Variants in PLEKHM2 observed in about 807,000 individuals in gnomAD.
The protein encoded by PLEKHM2 is pleckstrin homology and RUN domain containing M2, also known as pleckstrin homology domain-containing family M member 2.
In PLEKHM2, 77 loss-of-function variants were observed where a neutral mutation model predicts 116.3. That is an observed-to-expected ratio of 0.66 (90% CI 0.55 to 0.80). The LOEUF is 0.80. Ranked by LOEUF, PLEKHM2 falls within the 30% of genes least tolerant of loss-of-function variation. The probability of loss-of-function intolerance (pLI) is 0.00; values close to 1 mark genes in which losing one functional copy is unlikely to be tolerated. For missense variants in PLEKHM2, 1,183 were observed against 1,354.9 expected (o/e 0.87, Z 1.99); for synonymous variants, 562 against 571.0 (o/e 0.98, Z 0.22).
At chr1:15,715,298 C>T (rs1641422133) in intron 1 of PLEKHM2, among the ~76,000 whole-genome samples, 1 of 152,196 alleles carries the variant, frequency 6.6e-6, no homozygotes, top group Admixed American at 6.5e-5. Context: ...TGCAGCGAGC[C>T]GTGATCACAC....
chr1:15,715,399 T>C (rs1038469846), intron 1 of PLEKHM2, among the ~76,000 whole-genome samples: 2 of 151,896 alleles, frequency 1.3e-5, no homozygotes, highest in African/African-American at 2.4e-5. Context: ...CGCAGCACTT[T>C]GGGAGGCCAA....
rs770824084 is a variant in PLEKHM2 at position 15,727,390 on chromosome 1, G to T, written c.1318G>T (p.Gly440Cys). ...AEPPDQSFRT[G>C]SPGDAPERPP... ...GCCCCCAGACCAGTCCTTTCGGACC[G>T]GCTCTCCCGGGGATGCCCCGGAGAG... Residue 440 changes from glycine to cysteine, a missense_variant, in exon 9 of 20, where the codon GGC becomes TGC. Transcript: ENST00000375799. This position sits in a 1 kb window ranked among gnomAD's most constrained non-coding sequence, Gnocchi z 7.5. The T allele has an allele frequency of 3.1e-6, 5 of 1,602,860 alleles. No individual in the cohort carries two copies. In the African/African-American group the frequency reaches 5.4e-5, roughly 17 times the overall value.
intron 16 of PLEKHM2, 71 bp from the exon 17 acceptor site, chr1:15,731,818 A>C: frequency 7.1e-7 from 1 of 1,399,198 alleles, no homozygotes; most frequent in Non-Finnish European, 9.8e-7. Context: ...ACCCCGCACC[A>C]ACCCTGGGGG....
At chr1:15,686,808 C>T (rs528492606) in intron 1 of PLEKHM2, among the ~76,000 whole-genome samples, 13 of 152,056 alleles carry the variant, frequency 8.5e-5, no homozygotes, top group African/African-American at 3.1e-4. Context: ...GCCACCACGC[C>T]CGGCTAATTT....
chr1:15,727,618 C>G lies in PLEKHM2; in HGVS notation c.1546C>G (p.Pro516Ala). 1 of 1,588,164 alleles carries G rather than the reference C, an allele frequency of 6.3e-7. No homozygotes were observed. Residue 516 changes from proline to alanine, a missense_variant, in exon 9 of 20, where the codon CCC (proline) becomes GCC (alanine). Around this residue, in one of 3 missense-constraint regions of PLEKHM2, gnomAD observed 594 missense variants for 720.1 expected, o/e 0.82. Coordinates refer to ENST00000375799, the MANE Select transcript of PLEKHM2 (RefSeq NM_015164.4). This position sits in a 1 kb window ranked among gnomAD's most constrained non-coding sequence, Gnocchi z 7.5. Reference sequence around the variant, plus strand: ...AGGAGGAGAGGGACAGACGCCTCGGCCCCTAGAGGATACCACGAGGGAGGC... The same window carrying G: ...AGGAGGAGAGGGACAGACGCCTCGGGCCCTAGAGGATACCACGAGGGAGGC... Reference protein sequence around the residue: ...GGGGEGQTPRPLEDTTREAQE... With the variant: ...GGGGEGQTPRALEDTTREAQE...
At chr1:15,690,222 C>T (rs558344054) in intron 1 of PLEKHM2, among the ~76,000 whole-genome samples, 5 of 151,174 alleles carry the variant, frequency 3.3e-5, no homozygotes, top group South Asian at 2.1e-4. Flanking sequence ...CAGACCACCA[C>T]GCCCTGCTAA....
chr1:15,709,985 G>A lies in PLEKHM2; in HGVS notation c.61-6252G>A, dbSNP rs918284879. ...TCATGCCTGTAATCCTAGCACTTTG[G>A]AGGCCGAGATGGGCAGATCACGAGG... On this transcript the variant is annotated intron_variant, in intron 1 of 19. Coordinates refer to ENST00000375799, the MANE Select transcript of PLEKHM2 (RefSeq NM_015164.4). Among the ~76,000 whole-genome samples, 3 of 152,158 alleles carry A rather than the reference G, an allele frequency of 2.0e-5. No individual in the cohort carries two copies. In the East Asian group the frequency reaches 5.8e-4, roughly 29 times the overall value.
intron 1 of PLEKHM2, among the ~76,000 whole-genome samples, chr1:15,695,524 G>A (rs540756287): frequency 6.6e-6 from 1 of 151,992 alleles, no homozygotes; most frequent in Non-Finnish European, 1.5e-5. Flanking sequence ...GTTTTTTGGG[G>A]TTTTTTTGGA....
intron 1 of PLEKHM2, among the ~76,000 whole-genome samples, chr1:15,688,768 A>T (rs1057242328): frequency 6.6e-6 from 1 of 152,082 alleles, no homozygotes; most frequent in Non-Finnish European, 1.5e-5. Context: ...GTGGTTGCCG[A>T]TTTGTTAAAG....
rs2068111051 is a variant in PLEKHM2 at position 15,729,582 on chromosome 1, C to T, written c.2076-215C>T. Among the ~76,000 whole-genome samples the T allele has an allele frequency of 6.6e-6, 1 of 152,226 alleles. No homozygotes were observed. Among genetic ancestry groups the T allele is most frequent in the Non-Finnish European group, 1.5e-5 (1 of 68,034 alleles). On this transcript the variant is annotated intron_variant, in intron 13 of 19. Coordinates refer to ENST00000375799, the MANE Select transcript of PLEKHM2 (RefSeq NM_015164.4). This position sits in a 1 kb window ranked among gnomAD's most constrained non-coding sequence, Gnocchi z 4.7. Reference sequence around the variant, plus strand: ...CCCTCACTGTCAAAATCCAAGGCCCCTTGGCCATTGAGAACGATCAGGCCT... The same window carrying T: ...CCCTCACTGTCAAAATCCAAGGCCCTTTGGCCATTGAGAACGATCAGGCCT...
At position 15,727,248 on chromosome 1, in the gene PLEKHM2, C is replaced by G. The variant is rs1214688037; in HGVS notation, c.1176C>G (p.Gly392=). Residue 392 remains glycine, a synonymous_variant, in exon 9 of 20, where the codon GGC becomes GGG. Transcript: ENST00000375799. This position sits in a 1 kb window ranked among gnomAD's most constrained non-coding sequence, Gnocchi z 7.5. Reference sequence around the variant, plus strand: ...AGAGCAGCGAGCGCTCCGAGCCGGGCCTGCTGATCCCTGAGATGAAGGACA... The same window carrying G: ...AGAGCAGCGAGCGCTCCGAGCCGGGGCTGCTGATCCCTGAGATGAAGGACA... The part of the protein sequence containing the change: ...TTESSERSEP[G]LLIPEMKDTS... The G allele has an allele frequency of 6.2e-7, 1 of 1,604,626 alleles. No homozygotes were observed. The highest frequency in any genetic ancestry group is 2.2e-5 in the East Asian group (1 of 44,518).
chr1:15,707,696 C>T (rs926501926), intron 1 of PLEKHM2, among the ~76,000 whole-genome samples: 3 of 152,172 alleles, frequency 2.0e-5, no homozygotes, highest in Non-Finnish European at 4.4e-5. Flanking sequence ...GGAGCAGCTG[C>T]AGCTTTTTTT....
At chr1:15,707,952 T>C (rs931991044) in intron 1 of PLEKHM2, among the ~76,000 whole-genome samples, 1 of 152,158 alleles carries the variant, frequency 6.6e-6, no homozygotes, top group Non-Finnish European at 1.5e-5. Context: ...TGACGTGATC[T>C]CAGGTCACTG....
At chr1:15,730,161 C>T (rs1402863593) in intron 14 of PLEKHM2, among the ~76,000 whole-genome samples, 2 of 152,258 alleles carry the variant, frequency 1.3e-5, no homozygotes, top group African/African-American at 4.8e-5. Context: ...CCTCGCTCGG[C>T]AGGGCACAGT....
At chr1:15,731,084 A>G in intron 15 of PLEKHM2, 108 bp from the exon 16 acceptor site, 1 of 800,568 alleles carries the variant, frequency 1.2e-6, no homozygotes, top group African/African-American at 1.7e-5. Flanking sequence ...CCTTTGCCTC[A>G]GGTTCATGGC....
At chr1:15,714,703 C>A (rs1014304357) in intron 1 of PLEKHM2, among the ~76,000 whole-genome samples, 6 of 152,208 alleles carry the variant, frequency 3.9e-5, no homozygotes, top group African/African-American at 1.4e-4. Context: ...GTGGCCATCT[C>A]TACCACTGCT....
At chr1:15,725,084 A>G (rs1257015647) in intron 7 of PLEKHM2, among the ~76,000 whole-genome samples, 2 of 152,100 alleles carry the variant, frequency 1.3e-5, no homozygotes, top group Non-Finnish European at 2.9e-5. Flanking sequence ...AATTGTTGTG[A>G]GCTCCGGAGG....
chr1:15,728,765 T>C lies in PLEKHM2; in HGVS notation c.1986+32T>C, dbSNP rs747025693. On this transcript the variant is annotated intron_variant, in intron 12 of 19. Transcript: ENST00000375799. This position sits in a 1 kb window ranked among gnomAD's most constrained non-coding sequence, Gnocchi z 5.9. The stretch of plus-strand genomic sequence containing the variant: ...CCAGGCCCCGCAGTTGTGCGCCTGC[T>C]GTAGGTACAGGGCTTCTCAAGCCAC... 3 of 1,576,316 alleles carry C rather than the reference T, an allele frequency of 1.9e-6. No homozygotes were observed. In the South Asian group the frequency reaches 3.4e-5, roughly 18 times the overall value.
At chr1:15,681,973 G>C (rs1427702388), upstream of PLEKHM2, among the ~76,000 whole-genome samples, 1 of 152,186 alleles carries the variant, frequency 6.6e-6, no homozygotes, top group African/African-American at 2.4e-5. Context: ...GGGAGGCTGA[G>C]GTAAGAGGAT....
Sources: gnomAD v4.1 joint callset for allele counts (sites outside exome capture counted in the v4.1 genomes callset) on GRCh38, gnomAD v4.1.1 for gene constraint, gnomAD v4.1.1 regional missense constraint, Gnocchi (gnomAD v3.1) non-coding constraint, MANE v1.5 for transcripts, NCBI Gene and HGNC (gene_info 2026-07-23, HGNC 2026-07-21) for gene names.